The following ZDHHC14 variants were observed in gnomAD, a reference collection of about 807,000 sequenced individuals.
ZDHHC14 encodes the protein palmitoyltransferase ZDHHC14.
A neutral mutation model predicts 47.7 loss-of-function variants in ZDHHC14; 16 were observed. The ratio of observed to expected loss-of-function variants is 0.34; its 90% CI spans 0.23 to 0.51. The LOEUF (loss-of-function observed/expected upper bound fraction) is 0.51, where lower values mean the gene tolerates loss of function less well. Ranked by LOEUF, ZDHHC14 falls within the 20% of genes least tolerant of loss-of-function variation. The pLI, the probability that ZDHHC14 is intolerant of heterozygous loss-of-function variation, is 0.97. For missense variants in ZDHHC14, 515 were observed against 662.5 expected, an observed-to-expected ratio of 0.78 and a Z score of 2.44; for synonymous variants, 293 against 278.9, an observed-to-expected ratio of 1.05 and a Z score of -0.50.
rs953557019 is a variant in ZDHHC14, at chr6:157,586,949, A to C, written c.407-6039A>C. On this transcript the variant is annotated intron_variant, in intron 2 of 8. Transcript: ENST00000359775. The surrounding 1 kb of genome is among the most constrained non-coding windows in gnomAD (Gnocchi z 4.6). Reference sequence around the variant, plus strand: ...TTTTAAAAAATGCACTTTGGAACTAAAGATCAATAGAGTTTATCTTCAGGA... The same window carrying C: ...TTTTAAAAAATGCACTTTGGAACTACAGATCAATAGAGTTTATCTTCAGGA... Among the ~76,000 whole-genome samples the C allele has an allele frequency of 2.6e-5, 4 of 152,220 alleles. No individual in the cohort carries two copies. Among genetic ancestry groups the C allele is most frequent in the Admixed American group, 2.6e-4 (4 of 15,282 alleles).
intron 1 of ZDHHC14, among the ~76,000 whole-genome samples, chr6:157,479,085 A>G (rs373272204): frequency 2.6e-5 from 4 of 152,330 alleles, no homozygotes; most frequent in Admixed American, 1.3e-4. Context: ...TCAGAAAGCC[A>G]GCATGGCATT....
chr6:157,627,110 G>A (rs150906865), intron 3 of ZDHHC14, among the ~76,000 whole-genome samples: 174 of 152,180 alleles, frequency 1.1e-3, no homozygotes, highest in African/African-American at 3.9e-3. Context: ...TTCCTCTGCC[G>A]CCACTATCAT....
At chr6:157,451,251 C>T (rs1778796796) in intron 1 of ZDHHC14, among the ~76,000 whole-genome samples, 1 of 152,130 alleles carries the variant, frequency 6.6e-6, no homozygotes. Context: ...GAAATAATAA[C>T]AATTTTGAGG....
At chr6:157,434,334 CCT>C (rs1434729235) in intron 1 of ZDHHC14, among the ~76,000 whole-genome samples, 4 of 151,904 alleles carry the variant, frequency 2.6e-5, no homozygotes, top group Admixed American at 6.6e-5. Flanking sequence ...CCTGATTTCC[CCT>C]GTTAGGGTCC....
At chr6:157,624,966 C>T (rs1785343516) in intron 3 of ZDHHC14, among the ~76,000 whole-genome samples, 1 of 152,106 alleles carries the variant, frequency 6.6e-6, no homozygotes, top group South Asian at 2.1e-4. Context: ...CTTGCTGTGT[C>T]CTCCCATGGC....
chr6:157,653,731 G>T (rs1454641889), intron 8 of ZDHHC14, 104 bp downstream of exon 8: 1 of 1,181,190 alleles, frequency 8.5e-7, no homozygotes. Context: ...CAGGAGCGGG[G>T]GCAGCCCACA....
intron 8 of ZDHHC14, among the ~76,000 whole-genome samples, chr6:157,672,202 A>G (rs1583107848): frequency 6.6e-6 from 1 of 152,156 alleles, no homozygotes; most frequent in Non-Finnish European, 1.5e-5. Context: ...AATCAGTAAC[A>G]CTGTGTGTCT....
At chr6:157,452,863 C>A (rs1202195292) in intron 1 of ZDHHC14, among the ~76,000 whole-genome samples, 1 of 151,808 alleles carries the variant, frequency 6.6e-6, no homozygotes, top group Non-Finnish European at 1.5e-5. Context: ...CCACCACACC[C>A]GGCTAATTTT....
chr6:157,635,082 C>G (rs1475217901), intron 5 of ZDHHC14, among the ~76,000 whole-genome samples: 1 of 152,172 alleles, frequency 6.6e-6, no homozygotes, highest in Non-Finnish European at 1.5e-5. Context: ...CAACCTCCGC[C>G]TCCCGGGTTC....
intron 2 of ZDHHC14, among the ~76,000 whole-genome samples, chr6:157,572,225 T>G (rs1160685420): frequency 6.6e-6 from 1 of 152,078 alleles, no homozygotes. Context: ...GCAACACCCC[T>G]GGCCACCACC....
At chr6:157,602,725 C>T (rs1282444174) in intron 3 of ZDHHC14, among the ~76,000 whole-genome samples, 2 of 152,112 alleles carry the variant, frequency 1.3e-5, no homozygotes, top group African/African-American at 2.4e-5. Flanking sequence ...GGCTCCTGAG[C>T]ATGCAGGGAG....
intron 1 of ZDHHC14, among the ~76,000 whole-genome samples, chr6:157,517,283 C>T (rs1426509177): frequency 6.6e-6 from 1 of 151,464 alleles, no homozygotes; most frequent in East Asian, 1.9e-4. Flanking sequence ...GATGGGGACA[C>T]AGTACCCCCA....
intron 1 of ZDHHC14, among the ~76,000 whole-genome samples, chr6:157,485,602 G>T (rs1050168073): frequency 1.2e-4 from 18 of 151,784 alleles, no homozygotes; most frequent in Non-Finnish European, 2.9e-5. Flanking sequence ...CAGAGCCCCA[G>T]TGACTGACTC....
intron 3 of ZDHHC14, among the ~76,000 whole-genome samples, chr6:157,617,695 G>C (rs1017550940): frequency 3.9e-5 from 6 of 152,058 alleles, no homozygotes; most frequent in African/African-American, 1.5e-4. Context: ...TTATTTTGAG[G>C]ATAAATTGAC....
At chr6:157,631,269 C>CT (rs2114957583) in intron 4 of ZDHHC14, 1 of 152,194 alleles carries the variant, frequency 6.6e-6, no homozygotes, top group East Asian at 1.9e-4. Context: ...TTTTACTCAC[C>CT]TGGCTCCACC....
intron 3 of ZDHHC14, among the ~76,000 whole-genome samples, chr6:157,624,376 A>C (rs2114944387): frequency 6.6e-6 from 1 of 152,348 alleles, no homozygotes; most frequent in South Asian, 2.1e-4. Context: ...CCTGAAAAGA[A>C]AGAATGCTGT....
At chr6:157,442,286 G>T (rs532929870) in intron 1 of ZDHHC14, among the ~76,000 whole-genome samples, 1 of 152,182 alleles carries the variant, frequency 6.6e-6, no homozygotes, top group African/African-American at 2.4e-5. Flanking sequence ...AAGAGGCTGA[G>T]GTGGGAGAAT....
At chr6:157,660,155 C>T (rs76110296) in intron 8 of ZDHHC14, among the ~76,000 whole-genome samples, 5,873 of 151,942 alleles carry the variant, frequency 0.039, 399 homozygotes, top group African/African-American at 0.13. Context: ...GCTAGAGATG[C>T]CAGGCCCATG....
rs113587624 is a variant in ZDHHC14 at position 157,582,486 on chromosome 6, A to T, written c.407-10502A>T. Among the ~76,000 whole-genome samples the T allele has an allele frequency of 0.18, 27,759 of 152,128 alleles. 3,117 individuals carry two copies. The highest frequency in any genetic ancestry group is 0.32 in the African/African-American group (13,359 of 41,478). ...AAAAGATCTTACTTATCCCTCATTTATGAAGCTTAGTTTGGCCGGATATGA... is the reference window on the plus strand; with the variant it reads ...AAAAGATCTTACTTATCCCTCATTTTTGAAGCTTAGTTTGGCCGGATATGA... On this transcript the variant is annotated intron_variant, in intron 2 of 8. Transcript: ENST00000359775. This position sits in a 1 kb window ranked among gnomAD's most constrained non-coding sequence, Gnocchi z 4.3.
Sources: allele counts gnomAD v4.1 joint callset (sites outside exome capture counted in the v4.1 genomes callset), GRCh38; gene constraint gnomAD v4.1.1; non-coding constraint Gnocchi (gnomAD v3.1); transcripts MANE v1.5; gene names NCBI Gene and HGNC (gene_info 2026-07-23, HGNC 2026-07-21).